Variants in HDX observed in about 807,000 individuals in gnomAD.
HDX encodes highly divergent homeobox.
A neutral mutation model predicts 45.2 loss-of-function variants in HDX; 19 were observed. The observed-to-expected ratio is 0.42, with a 90% CI of 0.29 to 0.62. HDX has a LOEUF of 0.62. HDX is among the 20% of genes least tolerant of loss of function. The probability of loss-of-function intolerance (pLI) is 0.20; values close to 1 mark genes in which losing one functional copy is unlikely to be tolerated. For missense variants in HDX, 532 were observed against 493.9 expected, an observed-to-expected ratio of 1.08 and a Z score of -0.73; for synonymous variants, 188 against 172.8, an observed-to-expected ratio of 1.09 and a Z score of -0.69.
chrX:84,376,804 AC>A (rs1314909364), intron 5 of HDX, among the ~76,000 whole-genome samples: 2 of 112,345 alleles, frequency 1.8e-5, no homozygotes, highest in Non-Finnish European at 3.8e-5. Flanking sequence ...CTCTGGACCC[AC>A]CTGGGGCCTG....
intron 5 of HDX, among the ~76,000 whole-genome samples, chrX:84,396,240 A>G (rs939642654): frequency 8.9e-6 from 1 of 112,311 alleles, no homozygotes; most frequent in Non-Finnish European, 1.9e-5. Context: ...AGATACATCT[A>G]TGGTGTTGGT....
At position 84,317,898 on chromosome X, in the gene HDX, G is replaced by A. The variant is rs183960165; in HGVS notation, c.*3991C>T. 63 of 110,799 alleles carry A rather than the reference G, an allele frequency of 5.7e-4. No individual in the cohort carries two copies. Among genetic ancestry groups the A allele is most frequent in the African/African-American group, 1.9e-3 (59 of 30,684 alleles). The allele number at this position is 110,799 out of a possible 1,213,427, so 9.1% of individuals were successfully genotyped here. A position where few individuals can be genotyped will look rare whatever the true frequency, so the allele number is the denominator to read the frequency against. The stretch of plus-strand genomic sequence containing the variant: ...GTCTATTAGTTGGAAATCATTTATT[G>A]CCTCTATAAAAGTTTAAATAAAAAC... On this transcript the variant is annotated 3_prime_UTR_variant, in exon 11 of 11. Transcript: ENST00000373177.
rs201894864 is a variant in HDX at position 84,364,952 on chromosome X, T to G, written c.1306-3340A>C. Among the ~76,000 whole-genome samples, 4 of 111,489 alleles carry G rather than the reference T, an allele frequency of 3.6e-5. No individual in the cohort carries two copies. In the East Asian group the frequency reaches 1.1e-3, roughly 32 times the overall value. On this transcript the variant is annotated intron_variant, in intron 5 of 10. Transcript: ENST00000373177. The stretch of plus-strand genomic sequence containing the variant: ...GGCAGGATTTCCTTCCTTTTTAAGG[T>G]TAAATAAAATTCCATTGTACATATA...
At chrX:84,336,658 A>G in intron 8 of HDX, 143 bp downstream of exon 8, 1 of 442,827 alleles carries the variant, frequency 2.3e-6, no homozygotes. Context: ...CATCAAAGAT[A>G]TGTAATTTCA....
chrX:84,338,802 G>T (rs1569281090), intron 7 of HDX, among the ~76,000 whole-genome samples: 2 of 110,952 alleles, frequency 1.8e-5, no homozygotes, highest in Non-Finnish European at 3.8e-5. Context: ...ATTGGATCAT[G>T]GGGGTAGATT....
chrX:84,455,848 C>A (rs1384406206), intron 4 of HDX, among the ~76,000 whole-genome samples: 6 of 112,233 alleles, frequency 5.3e-5, no homozygotes, highest in African/African-American at 1.6e-4. Flanking sequence ...AAATGACATA[C>A]AATGAAGCTC....
chrX:84,489,878 C>T (rs1323078774), intron 1 of HDX, among the ~76,000 whole-genome samples: 1 of 111,164 alleles, frequency 9.0e-6, no homozygotes, highest in Non-Finnish European at 1.9e-5. Flanking sequence ...TTATTTATTT[C>T]TTAAATGCTT....
At chrX:84,385,585 C>T (rs1023437047) in intron 5 of HDX, among the ~76,000 whole-genome samples, 1 of 110,301 alleles carries the variant, frequency 9.1e-6, no homozygotes. Flanking sequence ...TGGTGAGCTG[C>T]ATTCCTAGGT....
rs188732705 is a variant in HDX, at chrX:84,345,560, G to A, written c.1453-1103C>T. On this transcript the variant is annotated intron_variant, in intron 6 of 10. Coordinates refer to ENST00000373177, the MANE Select transcript of HDX (RefSeq NM_001177479.2). ...GCTGAAGGACACTTGCATTGTTTCA[G>A]ATGTTTTGCTTATTACATATAAAGC... Among the ~76,000 whole-genome samples the A allele has an allele frequency of 2.6e-3, 294 of 111,706 alleles. 2 individuals are homozygous for A. Among genetic ancestry groups the A allele is most frequent in the African/African-American group, 9.2e-3 (284 of 30,878 alleles).
At chrX:84,350,332 A>G (rs988750436) in intron 6 of HDX, among the ~76,000 whole-genome samples, 1 of 111,218 alleles carries the variant, frequency 9.0e-6, no homozygotes, top group East Asian at 2.8e-4. Flanking sequence ...CTACTAGTCA[A>G]TTACACCCTA....
intron 5 of HDX, among the ~76,000 whole-genome samples, chrX:84,401,073 A>C (rs1223761929): frequency 8.9e-6 from 1 of 112,341 alleles, no homozygotes; most frequent in Admixed American, 9.5e-5. Context: ...TAAAGACTTT[A>C]ATGTAAAACC....
In HDX at chrX:84,370,934, A is replaced by C. The variant is rs761601234; in HGVS notation, c.1306-9322T>G. Among the ~76,000 whole-genome samples the C allele has an allele frequency of 7.1e-5, 8 of 112,475 alleles. No individual in the cohort carries two copies. The East Asian group carries it at 1.9e-3, about 27-fold the overall frequency. On this transcript the variant is annotated intron_variant, in intron 5 of 10. Coordinates refer to ENST00000373177, the MANE Select transcript of HDX (RefSeq NM_001177479.2). ...AAGTATCTTTAATATGAAATAGAAG[A>C]ATTGTTGGTAAGCCTCTGTATATAA...
intron 4 of HDX, among the ~76,000 whole-genome samples, chrX:84,462,853 T>G (rs1474322749): frequency 1.8e-5 from 2 of 111,331 alleles, no homozygotes; most frequent in South Asian, 7.5e-4. Flanking sequence ...AAACATAATA[T>G]GAAGTATTAA....
chrX:84,361,519 C>T lies in HDX; in HGVS notation c.1399G>A (p.Glu467Lys). Residue 467 changes from glutamate (E) to lysine (K), a missense_variant, in exon 6 of 11, where the codon GAG (glutamate) becomes AAG (lysine). By Grantham distance (56) the Glu-to-Lys change is moderately conservative (BLOSUM62 1). Around this residue, in one of 3 missense-constraint regions of HDX, gnomAD observed 376 missense variants for 343.7 expected, o/e 1.09. Coordinates refer to ENST00000373177, the MANE Select transcript of HDX (RefSeq NM_001177479.2). ...GMTSLGSVCR[E>K]KIEAVATELN... ...TCAGTTGCCACAGCTTCAATTTTCT[C>T]TCTACAAACAGAGCCCAGGCTGGTC... 1.7e-6 allele frequency: 2 copies of T among 1,207,186 alleles called. No individual in the cohort carries two copies. The highest frequency in any genetic ancestry group is 1.8e-5 in the South Asian group (1 of 56,581).
Position 84,324,121 on chromosome X carries a change from A to G in HDX, c.1947+2057T>C, listed in dbSNP as rs2036659746. ...AAAGTGGCTATTGATTTAAATAACA[A>G]CAACAACAAAATCTTTGGGTAATCT... On this transcript the variant is annotated intron_variant, in intron 10 of 10. Coordinates refer to ENST00000373177, the MANE Select transcript of HDX (RefSeq NM_001177479.2). Among the ~76,000 whole-genome samples, 4 of 111,954 alleles carry G rather than the reference A, an allele frequency of 3.6e-5. No individual in the cohort carries two copies. In the Admixed American group the frequency reaches 3.8e-4, roughly 11 times the overall value.
intron 1 of HDX, among the ~76,000 whole-genome samples, chrX:84,499,316 T>C (rs1182946110): frequency 9.0e-6 from 1 of 111,504 alleles, no homozygotes; most frequent in Non-Finnish European, 1.9e-5. Flanking sequence ...ATAGAAATTG[T>C]AAAACAAGCC....
At chrX:84,371,178 T>A (rs1237586723) in intron 5 of HDX, among the ~76,000 whole-genome samples, 1 of 111,745 alleles carries the variant, frequency 8.9e-6, no homozygotes, top group Non-Finnish European at 1.9e-5. Context: ...ATCCAGAAAA[T>A]CCTGTATTTG....
At chrX:84,364,443 T>C (rs1205879918) in intron 5 of HDX, among the ~76,000 whole-genome samples, 2 of 108,811 alleles carry the variant, frequency 1.8e-5, no homozygotes, top group Non-Finnish European at 3.8e-5. Context: ...TTCAGTATTG[T>C]TATTTATAGG....
At chrX:84,326,824 A>G (rs2036721589) in intron 9 of HDX, among the ~76,000 whole-genome samples, 2 of 109,894 alleles carry the variant, frequency 1.8e-5, no homozygotes, top group African/African-American at 6.6e-5. Flanking sequence ...AGGCAGAAGA[A>G]TCACTTGAAC....
Sources: allele counts gnomAD v4.1 joint callset (sites outside exome capture counted in the v4.1 genomes callset), GRCh38; gene constraint gnomAD v4.1.1; regional missense constraint gnomAD v4.1.1; transcripts MANE v1.5; gene names NCBI Gene and HGNC (gene_info 2026-07-23, HGNC 2026-07-21).